The following SCRT2 variants were observed in gnomAD, a reference collection of about 807,000 sequenced individuals.
SCRT2 encodes the protein transcriptional repressor scratch 2.
SCRT2 carries 2 observed loss-of-function variants against 3.7 expected under a neutral mutation model. That is an observed-to-expected ratio of 0.54 (90% CI 0.22 to 1.70). The LOEUF (loss-of-function observed/expected upper bound fraction) is 1.70. Among genes scored for constraint, SCRT2 ranks in the 40% most tolerant of loss-of-function variants. The pLI, the probability that SCRT2 is intolerant of heterozygous loss-of-function variation, is 0.19. For missense variants in SCRT2, 456 were observed against 468.5 expected (o/e 0.97, Z 0.25); for synonymous variants, 256 against 220.6 (o/e 1.16, Z -1.42).
chr20:672,151 G>C (rs1008620797), intron 1 of SCRT2, among the ~76,000 whole-genome samples: 1 of 152,306 alleles, frequency 6.6e-6, no homozygotes, highest in Admixed American at 6.5e-5. Context: ...AGGGAAAGCA[G>C]TGGAGGAGCA....
At position 675,642 on chromosome 20, in the gene SCRT2, C is replaced by A; in HGVS notation, c.-41G>T. The A allele has an allele frequency of 8.0e-7, 1 of 1,247,150 alleles. No individual in the cohort carries two copies. The highest frequency in any genetic ancestry group is 1.0e-6 in the Non-Finnish European group (1 of 985,968). 77.3% of individuals were successfully genotyped at this position (1,247,150 alleles called of 1,614,324 possible). ...GGGCTCGGTGCGGGGAGGCGGCCGG[C>A]CGGGCGCGATCGGCTGTGTCCGCGC... is the stretch of plus-strand genomic sequence containing the variant. On this transcript the variant is annotated 5_prime_UTR_variant, in exon 1 of 2. Transcript: ENST00000246104. This position sits in a 1 kb window ranked among gnomAD's most constrained non-coding sequence, Gnocchi z 6.9.
chr20:675,681 T>G lies in SCRT2; in HGVS notation c.-80A>C. On this transcript the variant is annotated 5_prime_UTR_variant, in exon 1 of 2. Transcript: ENST00000246104. The surrounding 1 kb of genome is among the most constrained non-coding windows in gnomAD (Gnocchi z 6.9). ...CTGTGTCCGCGCGGGTTTTCAGCAC[T>G]GGACAGCTCCCAGCGGGCTGGAGCG... 1.9e-6 allele frequency: 2 copies of G among 1,046,472 alleles called. No individual in the cohort carries two copies. The highest frequency in any genetic ancestry group is 2.4e-6 in the Non-Finnish European group (2 of 822,534). 64.8% of individuals were successfully genotyped at this position (1,046,472 alleles called of 1,614,324 possible). A position where few individuals can be genotyped will look rare whatever the true frequency, so the allele number is the denominator to read the frequency against.
intron 1 of SCRT2, among the ~76,000 whole-genome samples, chr20:672,917 C>T (rs887362238): frequency 1.3e-5 from 2 of 152,026 alleles, no homozygotes; most frequent in Non-Finnish European, 2.9e-5. Context: ...GCGGAGACAA[C>T]GGGCCACCAG....
At chr20:668,690 C>CA (rs1568654864) in intron 1 of SCRT2, among the ~76,000 whole-genome samples, 1 of 152,202 alleles carries the variant, frequency 6.6e-6, no homozygotes. Flanking sequence ...CTTTGGTTTT[C>CA]CCTGCCCAAG....
chr20:670,183 G>C (rs1984285795), intron 1 of SCRT2, among the ~76,000 whole-genome samples: 1 of 152,212 alleles, frequency 6.6e-6, no homozygotes, highest in Non-Finnish European at 1.5e-5. Flanking sequence ...GAGTGGCTCA[G>C]GGTCTTCATT....
At position 665,180 on chromosome 20, in the gene SCRT2, A is replaced by G. The variant is rs879649189; in HGVS notation, c.134-719T>C. The stretch of plus-strand genomic sequence containing the variant: ...TGCTATATAAATGTTAGCTATTATA[A>G]TTATGCTTTTTACTTGCTTGGAGAT... On this transcript the variant is annotated intron_variant, in intron 1 of 1. Coordinates refer to ENST00000246104, the MANE Select transcript of SCRT2 (RefSeq NM_033129.4). The surrounding 1 kb of genome is among the most constrained non-coding windows in gnomAD (Gnocchi z 5.0). Among the ~76,000 whole-genome samples the G allele has an allele frequency of 6.6e-6, 1 of 152,232 alleles. No individual in the cohort carries two copies. Among genetic ancestry groups the G allele is most frequent in the Non-Finnish European group, 1.5e-5 (1 of 68,050 alleles).
chr20:674,440 C>CAA (rs1984455263), intron 1 of SCRT2, among the ~76,000 whole-genome samples: 1 of 116,160 alleles, frequency 8.6e-6, no homozygotes, highest in Admixed American at 8.6e-5. Context: ...CACACACACA[C>CAA]AACCCAAAGC....
Position 675,247 on chromosome 20 carries a change from G to C in SCRT2, c.133+222C>G, listed in dbSNP as rs1176253950. Among the ~76,000 whole-genome samples, 3 of 152,138 alleles carry C rather than the reference G, an allele frequency of 2.0e-5. No homozygotes were observed. The highest frequency in any genetic ancestry group is 2.9e-5 in the Non-Finnish European group (2 of 68,006). On this transcript the variant is annotated intron_variant, in intron 1 of 1. Coordinates refer to ENST00000246104, the MANE Select transcript of SCRT2 (RefSeq NM_033129.4). This position sits in a 1 kb window ranked among gnomAD's most constrained non-coding sequence, Gnocchi z 6.9. ...CAACTTTCAAAGTCCCGGCTGGCGC[G>C]TGGCTGCGGGATGGGCCGACCCCGC...
rs535591466 is a variant in SCRT2, at chr20:675,732, G to A, written c.-131C>T. On this transcript the variant is annotated 5_prime_UTR_variant, in exon 1 of 2. Transcript: ENST00000246104. This position sits in a 1 kb window ranked among gnomAD's most constrained non-coding sequence, Gnocchi z 6.9. ...CGGGAGGCCGCTCGGAGCCGGCACC[G>A]GTGGCGGCGGCCCCGGCTCGGGCTC... is the stretch of plus-strand genomic sequence containing the variant. 468 of 514,470 alleles carry A rather than the reference G, an allele frequency of 9.1e-4. 3 individuals are homozygous for A. Among genetic ancestry groups the A allele is most frequent in the African/African-American group, 8.8e-3 (434 of 49,250 alleles). 31.9% of individuals were successfully genotyped at this position (514,470 alleles called of 1,614,324 possible).
rs557213104 is a variant in SCRT2, at chr20:675,798, G to A, written c.-197C>T. 1.9e-3 allele frequency: 407 copies of A among 217,356 alleles called. 2 individuals are homozygous for A. The highest frequency in any genetic ancestry group is 3.1e-3 in the Non-Finnish European group (348 of 112,664). The allele number at this position is 217,356 out of a possible 1,614,324, so 13.5% of individuals were successfully genotyped here. ...GGCGCGCAGACAGGGGATCGCGGGA[G>A]CTGCGCTCAGCACTCCGGCTGCCGG... On this transcript the variant is annotated 5_prime_UTR_variant, in exon 1 of 2. Coordinates refer to ENST00000246104, the MANE Select transcript of SCRT2 (RefSeq NM_033129.4). The surrounding 1 kb of genome is among the most constrained non-coding windows in gnomAD (Gnocchi z 6.9).
rs146069174 is a variant in SCRT2, at chr20:664,044, A to T, written c.551T>A (p.Leu184Gln). The change falls in exon 2 of 2, where the codon CTG (leucine) becomes CAG (glutamine). Residue 184 changes from leucine (L) to glutamine (Q), a missense_variant. By Grantham distance (113) the Leu-to-Gln change is moderately radical (BLOSUM62 -2). Around this residue, in one of 3 missense-constraint regions of SCRT2, gnomAD observed 306 missense variants for 305.3 expected, o/e 1.00. Transcript: ENST00000246104. This position sits in a 1 kb window ranked among gnomAD's most constrained non-coding sequence, Gnocchi z 7.9. The part of the protein sequence containing the change: ...KQTHRSLDSQ[L>Q]ARKCPTCGKA... ...GCCGCACGTCGGGCATTTGCGCGCC[A>T]GCTGGCTGTCCAGGCTGCGGTGCGT... 1,009 of 1,612,020 alleles carry T rather than the reference A, an allele frequency of 6.3e-4. 2 individuals are homozygous for T. The African/African-American group carries it at 0.012, about 19-fold the overall frequency.
Position 675,504 on chromosome 20 carries a change from A to T in SCRT2, c.98T>A (p.Val33Glu). ...GGGAGGCCCCCGGGCGCCAGGCAGC[A>T]CGTAGGCTGTCTCCAAGGGGTGGTA... is the stretch of plus-strand genomic sequence containing the variant. ...PTYHPLETAYVLPGARGPPGD... is the reference protein window; with the variant it reads ...PTYHPLETAYELPGARGPPGD... The change falls in exon 1 of 2, where the codon GTG becomes GAG. Residue 33 changes from valine (V) to glutamate (E), a missense_variant. Coordinates refer to ENST00000246104, the MANE Select transcript of SCRT2 (RefSeq NM_033129.4). The surrounding 1 kb of genome is among the most constrained non-coding windows in gnomAD (Gnocchi z 6.9). 1 of 1,383,120 alleles carries T rather than the reference A, an allele frequency of 7.2e-7. No individual in the cohort carries two copies. Among genetic ancestry groups the T allele is most frequent in the Admixed American group, 3.1e-5 (1 of 32,038 alleles). The allele number at this position is 1,383,120 out of a possible 1,614,324, so 85.7% of individuals were successfully genotyped here. A position where few individuals can be genotyped will look rare whatever the true frequency, so the allele number is the denominator to read the frequency against.
Position 664,446 on chromosome 20 carries a change from C to A in SCRT2, c.149G>T (p.Arg50Leu). The change falls in exon 2 of 2, where the codon CGC becomes CTC. Residue 50 changes from arginine (R) to leucine (L), a missense_variant. Arg to Leu is a moderately radical substitution (Grantham distance 102, BLOSUM62 -2). Transcript: ENST00000246104. The surrounding 1 kb of genome is among the most constrained non-coding windows in gnomAD (Gnocchi z 7.9). ...CGCATCGTAGCTGCTCGGGGGCAGG[C>A]GGTGCGGGGCGTACCCTGGAGGGGG... ...PPGDNGYAPH[R>L]LPPSSYDADQ... is the part of the protein sequence containing the mutation. 7.9e-7 allele frequency: 1 copy of A among 1,272,702 alleles called. No homozygotes were observed. Among genetic ancestry groups the A allele is most frequent in the Non-Finnish European group, 9.9e-7 (1 of 1,006,276 alleles). 78.8% of individuals were successfully genotyped at this position (1,272,702 alleles called of 1,614,324 possible). A position where few individuals can be genotyped will look rare whatever the true frequency, so the allele number is the denominator to read the frequency against.
intron 1 of SCRT2, among the ~76,000 whole-genome samples, chr20:673,697 T>C (rs924433624): frequency 6.6e-6 from 1 of 152,188 alleles, no homozygotes; most frequent in African/African-American, 2.4e-5. Flanking sequence ...TTGGACTGAA[T>C]TCAAGGCAAG....
chr20:664,529 G>T lies in SCRT2; in HGVS notation c.134-68C>A. The T allele has an allele frequency of 2.7e-6, 3 of 1,127,700 alleles. No homozygotes were observed. Among genetic ancestry groups the T allele is most frequent in the Non-Finnish European group, 3.4e-6 (3 of 890,338 alleles). The allele number at this position is 1,127,700 out of a possible 1,614,324, so 69.9% of individuals were successfully genotyped here. A position where few individuals can be genotyped will look rare whatever the true frequency, so the allele number is the denominator to read the frequency against. ...GAAGAGGGTTTCCCGCTTTGAGCGC[G>T]TCACCCTTTGCGCCTTCCAGCTTGG... On this transcript the variant is annotated intron_variant, in intron 1 of 1. Coordinates refer to ENST00000246104, the MANE Select transcript of SCRT2 (RefSeq NM_033129.4). The surrounding 1 kb of genome is among the most constrained non-coding windows in gnomAD (Gnocchi z 7.9).
Position 675,441 on chromosome 20 carries a change from C to G in SCRT2, c.133+28G>C, listed in dbSNP as rs759313217. On this transcript the variant is annotated intron_variant, in intron 1 of 1. Coordinates refer to ENST00000246104, the MANE Select transcript of SCRT2 (RefSeq NM_033129.4). This position sits in a 1 kb window ranked among gnomAD's most constrained non-coding sequence, Gnocchi z 6.9. ...CAGCTCCCCTCGCCTCTTCTCCCAA[C>G]CCCCCGCCCCCGCCGGGTCCCACTC... The G allele has an allele frequency of 8.1e-5, 105 of 1,292,850 alleles. No homozygotes were observed. Among genetic ancestry groups the G allele is most frequent in the Non-Finnish European group, 9.8e-5 (99 of 1,010,458 alleles). 80.1% of individuals were successfully genotyped at this position (1,292,850 alleles called of 1,614,324 possible). A position where few individuals can be genotyped will look rare whatever the true frequency, so the allele number is the denominator to read the frequency against.
chr20:662,802 G>A lies in SCRT2; in HGVS notation c.*869C>T. 1 of 152,910 alleles carries A rather than the reference G, an allele frequency of 6.5e-6. No individual in the cohort carries two copies. Among genetic ancestry groups the A allele is most frequent in the Non-Finnish European group, 1.5e-5 (1 of 68,168 alleles). 9.5% of individuals were successfully genotyped at this position (152,910 alleles called of 1,614,324 possible). ...TGGGGGTAGGGCAGCTCCAGACTGTGGAAGCCCAGGTTGTGCCGGGGTGAG... is the reference window on the plus strand; with the variant it reads ...TGGGGGTAGGGCAGCTCCAGACTGTAGAAGCCCAGGTTGTGCCGGGGTGAG... On this transcript the variant is annotated 3_prime_UTR_variant, in exon 2 of 2. Transcript: ENST00000246104.
intron 1 of SCRT2, among the ~76,000 whole-genome samples, chr20:671,857 G>A (rs937450153): frequency 1.3e-5 from 2 of 152,220 alleles, no homozygotes; most frequent in African/African-American, 2.4e-5. Context: ...AGAGGAAGGG[G>A]GGCCTGGCTC....
rs574061608 is a variant in SCRT2, at chr20:663,824, C to G, written c.771G>C (p.Ala257=). The change falls in exon 2 of 2, where the codon GCG becomes GCC. Residue 257 remains alanine (A), a synonymous_variant. Transcript: ENST00000246104. The surrounding 1 kb of genome is among the most constrained non-coding windows in gnomAD (Gnocchi z 6.9). ...TGAAGGCCGAGTGCGTCTGCATGTG[C>G]GCGCGCAGGTTGGAGCGGTCGGCGA... The part of the protein sequence containing the change: ...KAFADRSNLR[A]HMQTHSAFKH... 6.3e-7 allele frequency: 1 copy of G among 1,597,310 alleles called. No individual in the cohort carries two copies.
Sources: allele counts gnomAD v4.1 joint callset (sites outside exome capture counted in the v4.1 genomes callset), GRCh38; gene constraint gnomAD v4.1.1; regional missense constraint gnomAD v4.1.1; non-coding constraint Gnocchi (gnomAD v3.1); transcripts MANE v1.5; gene names NCBI Gene and HGNC (gene_info 2026-07-23, HGNC 2026-07-21).